The following ETFA variants were observed in gnomAD, a reference collection of about 807,000 sequenced individuals.
The protein encoded by ETFA is electron transfer flavoprotein subunit alpha.
ETFA carries 22 observed loss-of-function variants against 46.2 expected under a neutral mutation model. That is an observed-to-expected ratio of 0.48 (90% CI 0.34 to 0.68). The LOEUF (loss-of-function observed/expected upper bound fraction) is 0.68, where lower values mean the gene tolerates loss of function less well. Ranked by LOEUF, ETFA falls within the 30% of genes least tolerant of loss-of-function variation. ETFA has a pLI of 0.01. For missense variants in ETFA, 345 were observed against 401.1 expected (o/e 0.86, Z 1.19); for synonymous variants, 131 against 139.9 (o/e 0.94, Z 0.45).
intron 9 of ETFA, among the ~76,000 whole-genome samples, chr15:76,257,372 C>T (rs527702263): frequency 1.3e-5 from 2 of 152,306 alleles, no homozygotes; most frequent in East Asian, 3.9e-4. Context: ...CGGAACAGAA[C>T]TTCTCAAAAG....
At chr15:76,263,391 G>C (rs2039437824) in intron 9 of ETFA, among the ~76,000 whole-genome samples, 1 of 152,218 alleles carries the variant, frequency 6.6e-6, no homozygotes, top group South Asian at 2.1e-4. Context: ...TGAAAGCGGA[G>C]GATGCATCGT....
chr15:76,282,981 C>T (rs780919964), intron 8 of ETFA, among the ~76,000 whole-genome samples: 1 of 152,016 alleles, frequency 6.6e-6, no homozygotes, highest in Non-Finnish European at 1.5e-5. Context: ...TTTCAAAAAA[C>T]ATCACTCCCT....
chr15:76,297,842 T>C (rs1433630509), intron 1 of ETFA, among the ~76,000 whole-genome samples: 1 of 152,200 alleles, frequency 6.6e-6, no homozygotes, highest in African/African-American at 2.4e-5. Flanking sequence ...AATATTAAAC[T>C]TCCTTCTAAT....
chr15:76,303,471 CTAAT>C (rs1184570796), intron 1 of ETFA, among the ~76,000 whole-genome samples: 1 of 152,024 alleles, frequency 6.6e-6, no homozygotes, highest in East Asian at 1.9e-4. Flanking sequence ...CAAGTGAGAC[CTAAT>C]TAAACTAAAG....
intron 11 of ETFA, among the ~76,000 whole-genome samples, chr15:76,225,433 C>T (rs1415851732): frequency 2.0e-5 from 3 of 152,080 alleles, no homozygotes; most frequent in South Asian, 2.1e-4. Context: ...GGACTACAGG[C>T]GCCTGCCACC....
chr15:76,233,988 C>T (rs2039097002), intron 9 of ETFA, among the ~76,000 whole-genome samples: 1 of 152,128 alleles, frequency 6.6e-6, no homozygotes, highest in African/African-American at 2.4e-5. Context: ...ACTTAAAACC[C>T]CCTGTGTCCC....
At chr15:76,284,549 G>C (rs567357720) in intron 7 of ETFA, 4 of 178,198 alleles carry the variant, frequency 2.2e-5, no homozygotes, top group South Asian at 1.3e-4. Flanking sequence ...GAAATGCAAT[G>C]GTGCGATCTC....
intron 2 of ETFA, among the ~76,000 whole-genome samples, chr15:76,294,096 C>T (rs540795038): frequency 1.3e-4 from 20 of 152,318 alleles, no homozygotes; most frequent in Non-Finnish European, 2.6e-4. Context: ...CATACAGGTA[C>T]TGGTTGTTTT....
Position 76,292,527 on chromosome 15 carries a change from A to G in ETFA, c.269-14T>C. On this transcript the variant is annotated splice_polypyrimidine_tract_variant and intron_variant, in intron 3 of 11. Transcript: ENST00000557943. Reference sequence around the variant, plus strand: ...GTGTCAGTTCCTCTGAGAATTAAACACATTTGATAAAAAAATATTTTGAAA... The same window carrying G: ...GTGTCAGTTCCTCTGAGAATTAAACGCATTTGATAAAAAAATATTTTGAAA... 1 of 1,607,272 alleles carries G rather than the reference A, an allele frequency of 6.2e-7. No homozygotes were observed. Among genetic ancestry groups the G allele is most frequent in the Non-Finnish European group, 8.5e-7 (1 of 1,173,742 alleles).
intron 1 of ETFA, among the ~76,000 whole-genome samples, chr15:76,299,191 G>A (rs2039856778): frequency 1.3e-5 from 2 of 152,078 alleles, no homozygotes; most frequent in Admixed American, 1.3e-4. Context: ...GCCTTACCTG[G>A]GCTCTCAAAA....
At chr15:76,224,385 C>A (rs1454065054) in intron 11 of ETFA, among the ~76,000 whole-genome samples, 1 of 152,206 alleles carries the variant, frequency 6.6e-6, no homozygotes, top group African/African-American at 2.4e-5. Flanking sequence ...AATCTAAGCT[C>A]TTTGGCGGGG....
chr15:76,276,137 G>T (rs913674076), intron 8 of ETFA, among the ~76,000 whole-genome samples: 5 of 151,884 alleles, frequency 3.3e-5, no homozygotes, highest in African/African-American at 1.2e-4. Flanking sequence ...TTCTTGCAAG[G>T]TAAGTCTATG....
At chr15:76,248,286 G>C (rs761962304) in intron 9 of ETFA, among the ~76,000 whole-genome samples, 1 of 152,144 alleles carries the variant, frequency 6.6e-6, no homozygotes, top group Non-Finnish European at 1.5e-5. Context: ...CATTAGTGGA[G>C]GAGAGAGGGA....
chr15:76,216,632 G>A, intron 11 of ETFA, 35 bp from the exon 12 acceptor site: 2 of 1,382,282 alleles, frequency 1.4e-6, no homozygotes. Flanking sequence ...TAAGCAACTA[G>A]AGCCTTCACT....
rs895126312 is a variant in ETFA at position 76,227,248 on chromosome 15, A to G, written c.883-1319T>C. ...CCCCATCTCTACAATAAAAAATAAA[A>G]GCTTATGCCTGTAATCCCAGCACTT... On this transcript the variant is annotated intron_variant, in intron 10 of 11. Transcript: ENST00000557943. Among the ~76,000 whole-genome samples, 4 of 151,660 alleles carry G rather than the reference A, an allele frequency of 2.6e-5. No homozygotes were observed. In the East Asian group the frequency reaches 5.8e-4, roughly 22 times the overall value.
chr15:76,270,556 T>G (rs142681001), intron 9 of ETFA, among the ~76,000 whole-genome samples: 2 of 152,226 alleles, frequency 1.3e-5, no homozygotes, highest in Non-Finnish European at 2.9e-5. Flanking sequence ...GACATTTCAA[T>G]AGCAATGAAC....
intron 9 of ETFA, among the ~76,000 whole-genome samples, chr15:76,263,198 G>C (rs2139190): frequency 0.41 from 62,974 of 152,042 alleles, 15,360 homozygotes; most frequent in Middle Eastern, 0.56. Flanking sequence ...CCAGAGCTTG[G>C]GGCCTTTGCA....
At chr15:76,241,446 G>C (rs1409508194) in intron 9 of ETFA, among the ~76,000 whole-genome samples, 1 of 151,976 alleles carries the variant, frequency 6.6e-6, no homozygotes, top group Non-Finnish European at 1.5e-5. Context: ...TGAAGCTGCA[G>C]TGAGATGTGA....
intron 9 of ETFA, chr15:76,261,430 G>A: frequency 8.8e-7 from 1 of 1,136,320 alleles, no homozygotes; most frequent in South Asian, 1.4e-5. Context: ...CTCGCTGACT[G>A]GGATGAACCA....
Sources: gnomAD v4.1 joint callset for allele counts (sites outside exome capture counted in the v4.1 genomes callset) on GRCh38, gnomAD v4.1.1 for gene constraint, MANE v1.5 for transcripts, NCBI Gene and HGNC (gene_info 2026-07-23, HGNC 2026-07-21) for gene names.